The following SCN1A variants were observed in gnomAD, a reference collection of about 807,000 sequenced individuals.
SCN1A encodes sodium voltage-gated channel alpha subunit 1, also known as sodium channel protein type 1 subunit alpha.
In SCN1A, 13 loss-of-function variants were observed where a neutral mutation model predicts 193.7. The ratio of observed to expected loss-of-function variants is 0.07; its 90% CI spans 0.04 to 0.11. SCN1A has a LOEUF of 0.11. Among genes scored for constraint, SCN1A ranks in the 10% least tolerant of loss-of-function variants. The pLI is 1.00. For missense variants in SCN1A, 1,432 were observed against 2,451.1 expected (o/e 0.58, Z 8.78); for synonymous variants, 781 against 843.6 (o/e 0.93, Z 1.29).
intron 1 of SCN1A, among the ~76,000 whole-genome samples, chr2:166,140,806 C>A (rs190454087): frequency 6.6e-6 from 1 of 152,108 alleles, no homozygotes; most frequent in African/African-American, 2.4e-5. Flanking sequence ...CTTTTCGGCT[C>A]TGCTTGATGT....
intron 21 of SCN1A, among the ~76,000 whole-genome samples, chr2:166,012,612 C>CTTTT (rs60890420): frequency 3.5e-4 from 27 of 77,204 alleles, no homozygotes; most frequent in African/African-American, 5.7e-4. Context: ...CTTCTATTGG[C>CTTTT]TTTTTTTTTT....
In SCN1A at chr2:166,009,967, G is replaced by T. The variant is rs943601849; in HGVS notation, c.3880-126C>A. On this transcript the variant is annotated intron_variant, in intron 22 of 28. Transcript: ENST00000674923. ...GAGGATAAATGTTCAGACATTTTCA[G>T]TAAACCTTTAAAAAATTAAAGAAAT... is the stretch of plus-strand genomic sequence containing the variant. 12 of 847,718 alleles carry T rather than the reference G, an allele frequency of 1.4e-5. No homozygotes were observed. In the African/African-American group the frequency reaches 1.9e-4, roughly 13 times the overall value. The allele number at this position is 847,718 out of a possible 1,614,324, so 52.5% of individuals were successfully genotyped here.
intron 1 of SCN1A, among the ~76,000 whole-genome samples, chr2:166,145,686 G>A (rs1227619144): frequency 6.6e-6 from 1 of 152,096 alleles, no homozygotes; most frequent in Non-Finnish European, 1.5e-5. Flanking sequence ...ACTCTAGCTT[G>A]TAACATTTGT....
At chr2:166,083,823 T>C (rs2106033648) in intron 2 of SCN1A, among the ~76,000 whole-genome samples, 1 of 152,298 alleles carries the variant, frequency 6.6e-6, no homozygotes, top group East Asian at 1.9e-4. Flanking sequence ...ATATCAAGAA[T>C]ATAGTAATGA....
rs910969894 is a variant in SCN1A, at chr2:166,143,236, G to A, written c.-50+5811C>T. ...GGCTGGAGTGCGGTGGCAGGATCTC[G>A]GCTCACTGCAAGCTCCGCCTCCCGG... On this transcript the variant is annotated intron_variant, in intron 1 of 26. Transcript: ENST00000635750. 9.4e-5 allele frequency among the ~76,000 whole-genome samples: 13 copies of A among 137,834 alleles called. No individual in the cohort carries two copies. The East Asian group carries it at 1.9e-3, about 20-fold the overall frequency. 90.4% of individuals were successfully genotyped at this position (137,834 alleles called of 152,430 possible). A position where few individuals can be genotyped will look rare whatever the true frequency, so the allele number is the denominator to read the frequency against.
chr2:166,136,586 C>T (rs546582167), intron 1 of SCN1A, among the ~76,000 whole-genome samples: 2 of 152,262 alleles, frequency 1.3e-5, no homozygotes, highest in Admixed American at 1.3e-4. Context: ...GTTACCCTTC[C>T]ATGAACCATT....
At chr2:165,997,159 CTCT>C (rs1690191319) in intron 26 of SCN1A, among the ~76,000 whole-genome samples, 1 of 150,946 alleles carries the variant, frequency 6.6e-6, no homozygotes. Flanking sequence ...CTGTCCCTCT[CTCT>C]TTTTTTTTGT....
intron 23 of SCN1A, among the ~76,000 whole-genome samples, chr2:166,006,015 C>G (rs1181021958): frequency 1.3e-5 from 2 of 151,132 alleles, no homozygotes; most frequent in African/African-American, 4.8e-5. Context: ...TAAGTCTACA[C>G]TAAATGAAGG....
chr2:166,141,763 T>A (rs376142770), intron 1 of SCN1A, among the ~76,000 whole-genome samples: 3 of 152,116 alleles, frequency 2.0e-5, no homozygotes, highest in East Asian at 3.9e-4. Flanking sequence ...ACAATGCGGA[T>A]GTATACATTT....
chr2:166,024,835 T>G (rs898293300), intron 19 of SCN1A, among the ~76,000 whole-genome samples: 8 of 152,128 alleles, frequency 5.3e-5, no homozygotes, highest in Non-Finnish European at 1.0e-4. Flanking sequence ...AATTTTTGTA[T>G]TTTTTGTAGA....
chr2:166,065,799 C>A (rs1366056921), intron 4 of SCN1A, among the ~76,000 whole-genome samples: 1 of 152,098 alleles, frequency 6.6e-6, no homozygotes, highest in African/African-American at 2.4e-5. Context: ...AGGTACCTGC[C>A]AGTTTTAGGC....
rs575269902 is a variant in SCN1A at position 166,123,008 on chromosome 2, A to G, written c.-142+3916T>C. ...TGTCAGGTTGATTCTAAGTTAGAAG[A>G]GAAGCAAATTCACATTTTCTAGAGA... On this transcript the variant is annotated intron_variant, in intron 2 of 28. Transcript: ENST00000674923. Among the ~76,000 whole-genome samples, 18 of 152,270 alleles carry G rather than the reference A, an allele frequency of 1.2e-4. No individual in the cohort carries two copies. The South Asian group carries it at 3.5e-3, about 30-fold the overall frequency.
In SCN1A at chr2:166,041,472, A is replaced by T. The variant is rs771387096; in HGVS notation, c.2177-3T>A. The T allele has an allele frequency of 6.9e-7, 1 of 1,456,494 alleles. No homozygotes were observed. Among genetic ancestry groups the T allele is most frequent in the Non-Finnish European group, 9.3e-7 (1 of 1,071,678 alleles). The allele number at this position is 1,456,494 out of a possible 1,614,324, so 90.2% of individuals were successfully genotyped here. A position where few individuals can be genotyped will look rare whatever the true frequency, so the allele number is the denominator to read the frequency against. Reference sequence around the variant, plus strand: ...TTTCTGCCTGGATTCTTCAAGTTCTAGATTAAGAAAAAAAAAAAAAAGAAC... The same window carrying T: ...TTTCTGCCTGGATTCTTCAAGTTCTTGATTAAGAAAAAAAAAAAAAAGAAC... On this transcript the variant is annotated splice_region_variant and splice_polypyrimidine_tract_variant and intron_variant, in intron 15 of 28. Coordinates refer to ENST00000674923, the MANE Select transcript of SCN1A (RefSeq NM_001165963.4).
intron 3 of SCN1A, among the ~76,000 whole-genome samples, chr2:166,074,158 C>T (rs554842175): frequency 9.8e-5 from 15 of 152,302 alleles, no homozygotes; most frequent in African/African-American, 3.6e-4. Context: ...CCTTAATGAC[C>T]AATCAAATAG....
At chr2:166,087,655 C>CT (rs757604881) in intron 2 of SCN1A, among the ~76,000 whole-genome samples, 7 of 151,494 alleles carry the variant, frequency 4.6e-5, no homozygotes, top group African/African-American at 7.3e-5. Context: ...AAGTAAACCT[C>CT]TTTTTAAAAA....
chr2:166,049,391 G>A (rs1698267756), intron 9 of SCN1A, among the ~76,000 whole-genome samples: 1 of 151,882 alleles, frequency 6.6e-6, no homozygotes, highest in African/African-American at 2.4e-5. Context: ...CAAAATAAAA[G>A]AATAGTATAT....
At chr2:166,134,131 A>T (rs923829429) in intron 1 of SCN1A, among the ~76,000 whole-genome samples, 6 of 152,166 alleles carry the variant, frequency 3.9e-5, no homozygotes, top group African/African-American at 1.4e-4. Flanking sequence ...CCATTGCTTT[A>T]TCGATAGGGT....
chr2:166,087,676 C>G (rs1212982573), intron 2 of SCN1A, among the ~76,000 whole-genome samples: 1 of 151,984 alleles, frequency 6.6e-6, no homozygotes, highest in Non-Finnish European at 1.5e-5. Context: ...AAAAAATTAC[C>G]CAGCCTCAGA....
chr2:166,084,056 T>C (rs966371501), intron 2 of SCN1A, among the ~76,000 whole-genome samples: 2 of 152,040 alleles, frequency 1.3e-5, no homozygotes, highest in African/African-American at 4.8e-5. Context: ...CCCAGGGCTG[T>C]TTAGCTAGCA....
Sources: gnomAD v4.1 joint callset for allele counts (sites outside exome capture counted in the v4.1 genomes callset) on GRCh38, gnomAD v4.1.1 for gene constraint, MANE v1.5 for transcripts, NCBI Gene and HGNC (gene_info 2026-07-23, HGNC 2026-07-21) for gene names.